The following CNTN5 variants were observed in gnomAD, a reference collection of about 807,000 sequenced individuals.
CNTN5 encodes the protein contactin 5, also known as contactin-5.
Under a neutral mutation model 129.1 loss-of-function variants are expected in CNTN5, and 77 were observed. The ratio of observed to expected loss-of-function variants is 0.60; its 90% CI spans 0.50 to 0.72. The LOEUF (loss-of-function observed/expected upper bound fraction) is 0.72. Among genes scored for constraint, CNTN5 ranks in the 30% least tolerant of loss-of-function variants. CNTN5 has a pLI of 0.00. For synonymous variants in CNTN5, 509 were observed against 465.6 expected (o/e 1.09, Z -1.20); for missense variants, 1,478 against 1,328.8 (o/e 1.11, Z -1.75).
intron 1 of CNTN5, among the ~76,000 whole-genome samples, chr11:99,033,505 TA>T (rs1467357095): frequency 1.3e-5 from 2 of 152,210 alleles, no homozygotes; most frequent in Non-Finnish European, 2.9e-5. Flanking sequence ...GTTGGATTCC[TA>T]GGTATTTTAT....
At chr11:99,873,403 G>C (rs1268534059) in intron 6 of CNTN5, among the ~76,000 whole-genome samples, 1 of 151,902 alleles carries the variant, frequency 6.6e-6, no homozygotes, top group Non-Finnish European at 1.5e-5. Flanking sequence ...CTGGTCAAAA[G>C]ACATGACTAC....
At chr11:99,658,718 A>AAATAT (rs1555067255) in intron 3 of CNTN5, among the ~76,000 whole-genome samples, 160 of 124,030 alleles carry the variant, frequency 1.3e-3, no homozygotes, top group African/African-American at 4.3e-3. Context: ...CTAAAAAAAA[A>AAATAT]ATATATATAT....
At chr11:99,553,406 A>T (rs1948558807) in intron 2 of CNTN5, among the ~76,000 whole-genome samples, 1 of 152,120 alleles carries the variant, frequency 6.6e-6, no homozygotes, top group Admixed American at 6.6e-5. Context: ...ATATATGTGT[A>T]ATTAATTATA....
rs557204442 is a variant in CNTN5 at position 99,205,940 on chromosome 11, T to C, written c.-209-119406T>C. On this transcript the variant is annotated intron_variant, in intron 1 of 24. Transcript: ENST00000524871. ...TATTGATTGATAGTTTCGCTGGTGA[T>C]AGACTATATGACTTGAAATTAGTCT... Among the ~76,000 whole-genome samples, 88 of 152,262 alleles carry C rather than the reference T, an allele frequency of 5.8e-4. 1 individual carries two copies. Among genetic ancestry groups the C allele is most frequent in the African/African-American group, 2.0e-3 (84 of 41,546 alleles).
At chr11:99,443,605 T>A (rs2656166) in intron 2 of CNTN5, among the ~76,000 whole-genome samples, 2 of 152,136 alleles carry the variant, frequency 1.3e-5, no homozygotes, top group African/African-American at 4.8e-5. Context: ...ATGGCTCAAA[T>A]AGAAATTTGC....
intron 3 of CNTN5, among the ~76,000 whole-genome samples, chr11:99,591,968 G>A (rs764196337): frequency 1.8e-4 from 27 of 152,114 alleles, no homozygotes; most frequent in Admixed American, 1.3e-4. Flanking sequence ...TTAAGAATAT[G>A]GAAAGAAAAC....
At chr11:100,100,478 C>T (rs1027146202) in intron 13 of CNTN5, among the ~76,000 whole-genome samples, 1 of 152,056 alleles carries the variant, frequency 6.6e-6, no homozygotes, top group African/African-American at 2.4e-5. Flanking sequence ...CCATAGAACC[C>T]ATTCTTTTAT....
At chr11:99,210,548 T>C (rs1391711185) in intron 1 of CNTN5, among the ~76,000 whole-genome samples, 2 of 152,176 alleles carry the variant, frequency 1.3e-5, no homozygotes, top group Non-Finnish European at 2.9e-5. Flanking sequence ...ATTGTTTGTA[T>C]GTTTAGGTAT....
At chr11:99,097,459 C>G (rs1049452698) in intron 1 of CNTN5, among the ~76,000 whole-genome samples, 2 of 151,834 alleles carry the variant, frequency 1.3e-5, no homozygotes, top group African/African-American at 2.4e-5. Flanking sequence ...TGACCAAGAC[C>G]ATAAGGATTT....
At chr11:99,553,560 T>C (rs1046296741) in intron 2 of CNTN5, among the ~76,000 whole-genome samples, 16 of 152,058 alleles carry the variant, frequency 1.1e-4, no homozygotes, top group African/African-American at 3.4e-4. Flanking sequence ...TTATTTTACT[T>C]AGCTTAATGT....
intron 2 of CNTN5, among the ~76,000 whole-genome samples, chr11:99,435,267 A>G (rs1268617372): frequency 6.6e-6 from 1 of 152,198 alleles, no homozygotes; most frequent in Non-Finnish European, 1.5e-5. Context: ...TACTTATGCC[A>G]TCTTAAGAAA....
chr11:99,772,680 T>C (rs1336661624), intron 3 of CNTN5, among the ~76,000 whole-genome samples: 2 of 152,104 alleles, frequency 1.3e-5, no homozygotes, highest in African/African-American at 2.4e-5. Flanking sequence ...CATTTCAACA[T>C]GTCATAATAC....
intron 1 of CNTN5, among the ~76,000 whole-genome samples, chr11:99,322,982 T>G (rs1436629829): frequency 6.6e-6 from 1 of 152,198 alleles, no homozygotes; most frequent in Non-Finnish European, 1.5e-5. Flanking sequence ...ACCTTCTTTT[T>G]CAGTAAGTCG....
chr11:99,617,196 T>A (rs988493062), intron 3 of CNTN5, among the ~76,000 whole-genome samples: 1 of 152,210 alleles, frequency 6.6e-6, no homozygotes, highest in Non-Finnish European at 1.5e-5. Context: ...AAGGACCTTT[T>A]AAGATATGCT....
intron 2 of CNTN5, among the ~76,000 whole-genome samples, chr11:99,507,442 T>C (rs1335291009): frequency 6.6e-6 from 1 of 151,616 alleles, no homozygotes; most frequent in Non-Finnish European, 1.5e-5. Flanking sequence ...ATAATGTATA[T>C]TGACATTTTC....
chr11:100,318,193 A>T lies in CNTN5; in HGVS notation c.2730+9725A>T, dbSNP rs568772890. ...GAGGCCGAACTTGCAGTGAGCCGAG[A>T]TCGCGCCACTGCACTCCAGCCTGGG... On this transcript the variant is annotated intron_variant, in intron 21 of 24. Coordinates refer to ENST00000524871, the MANE Select transcript of CNTN5 (RefSeq NM_014361.4). Among the ~76,000 whole-genome samples the T allele has an allele frequency of 4.8e-5, 7 of 145,732 alleles. No homozygotes were observed. The East Asian group carries it at 1.5e-3, about 32-fold the overall frequency.
chr11:99,037,179 A>G (rs1384989056), intron 1 of CNTN5, among the ~76,000 whole-genome samples: 3 of 152,204 alleles, frequency 2.0e-5, no homozygotes, highest in African/African-American at 4.8e-5. Context: ...CCTTCTGAAT[A>G]TCACTCACTC....
chr11:100,230,177 T>C (rs1949459781), intron 16 of CNTN5, among the ~76,000 whole-genome samples: 1 of 152,206 alleles, frequency 6.6e-6, no homozygotes, highest in Non-Finnish European at 1.5e-5. Context: ...TTGAAAACTA[T>C]AAAACACAGC....
At chr11:99,822,703 G>C (rs2135570121) in intron 4 of CNTN5, among the ~76,000 whole-genome samples, 1 of 152,246 alleles carries the variant, frequency 6.6e-6, no homozygotes, top group African/African-American at 2.4e-5. Flanking sequence ...GAAAAAATCT[G>C]AAATAAATAT....
Sources: gnomAD v4.1 joint callset for allele counts (sites outside exome capture counted in the v4.1 genomes callset) on GRCh38, gnomAD v4.1.1 for gene constraint, MANE v1.5 for transcripts, NCBI Gene and HGNC (gene_info 2026-07-23, HGNC 2026-07-21) for gene names.